The following PRORP variants were observed in gnomAD, a reference collection of about 807,000 sequenced individuals.
PRORP encodes the protein mitochondrial ribonuclease P catalytic subunit.
PRORP carries 51 observed loss-of-function variants against 59.4 expected under a neutral mutation model. The observed-to-expected ratio is 0.86, with a 90% confidence interval of 0.69 to 1.08. The LOEUF is 1.08. Ranked by LOEUF, PRORP falls within the 50% of genes least tolerant of loss-of-function variation. The pLI, the probability that PRORP is intolerant of heterozygous loss-of-function variation, is 0.00. For missense variants in PRORP, 646 were observed against 690.3 expected, an observed-to-expected ratio of 0.94 and a Z score of 0.72; for synonymous variants, 231 against 245.6, an observed-to-expected ratio of 0.94 and a Z score of 0.55.
chr14:35,137,128 T>C (rs893273487), intron 4 of PRORP, among the ~76,000 whole-genome samples: 1 of 145,546 alleles, frequency 6.9e-6, no homozygotes, highest in African/African-American at 2.4e-5. Flanking sequence ...TGAATACCCA[T>C]TGAGTGTAAA....
chr14:35,187,431 T>TC (rs999024300), intron 5 of PRORP, among the ~76,000 whole-genome samples: 1 of 150,380 alleles, frequency 6.6e-6, no homozygotes, highest in East Asian at 2.0e-4. Context: ...TTTCTTTGTT[T>TC]TTTTTTTTTT....
chr14:35,166,866 A>G (rs1027040753), intron 4 of PRORP, among the ~76,000 whole-genome samples: 2 of 152,148 alleles, frequency 1.3e-5, no homozygotes, highest in African/African-American at 4.8e-5. Flanking sequence ...AGCATATGCC[A>G]TTAGGTAGAT....
intron 4 of PRORP, among the ~76,000 whole-genome samples, chr14:35,147,137 C>G (rs993037406): frequency 1.3e-5 from 2 of 152,038 alleles, no homozygotes; most frequent in Admixed American, 6.6e-5. Flanking sequence ...ATGCTGTAGA[C>G]TATTAAGTGT....
chr14:35,231,492 T>C (rs2050080561), intron 5 of PRORP, among the ~76,000 whole-genome samples: 1 of 152,190 alleles, frequency 6.6e-6, no homozygotes, highest in Non-Finnish European at 1.5e-5. Flanking sequence ...GGCTTTGTTG[T>C]TTTAATGGAA....
At chr14:35,182,543 G>A (rs1313260926) in intron 5 of PRORP, among the ~76,000 whole-genome samples, 1 of 152,172 alleles carries the variant, frequency 6.6e-6, no homozygotes, top group East Asian at 1.9e-4. Context: ...TAGTTGGGAG[G>A]CTGAGTCAAG....
chr14:35,167,156 C>G (rs1356941596), intron 4 of PRORP, among the ~76,000 whole-genome samples: 1 of 152,172 alleles, frequency 6.6e-6, no homozygotes, highest in African/African-American at 2.4e-5. Context: ...TTCAAAGATG[C>G]TGTATTTGCC....
At chr14:35,181,830 T>C (rs963856281) in intron 5 of PRORP, among the ~76,000 whole-genome samples, 8 of 144,698 alleles carry the variant, frequency 5.5e-5, no homozygotes, top group African/African-American at 2.0e-4. Context: ...GTAAAATACA[T>C]ATATATTATT....
intron 4 of PRORP, among the ~76,000 whole-genome samples, chr14:35,157,059 C>G (rs1398825602): frequency 6.6e-6 from 1 of 151,754 alleles, no homozygotes; most frequent in Admixed American, 6.6e-5. Context: ...GGGTTCACGC[C>G]ATTCTCCTGC....
intron 5 of PRORP, among the ~76,000 whole-genome samples, chr14:35,204,704 C>T (rs552341670): frequency 2.0e-5 from 3 of 152,112 alleles, no homozygotes; most frequent in African/African-American, 7.2e-5. Context: ...TTCATTGTAC[C>T]GGTAACTCTA....
chr14:35,154,415 C>T (rs1452653655), intron 4 of PRORP, among the ~76,000 whole-genome samples: 2 of 152,098 alleles, frequency 1.3e-5, no homozygotes, highest in Non-Finnish European at 2.9e-5. Flanking sequence ...CACATGACAC[C>T]TCCTTATTAA....
intron 5 of PRORP, among the ~76,000 whole-genome samples, chr14:35,213,646 G>A: frequency 6.6e-6 from 1 of 152,020 alleles, no homozygotes; most frequent in East Asian, 1.9e-4. Context: ...GCCTAATTTT[G>A]ATATTATTAT....
intron 5 of PRORP, among the ~76,000 whole-genome samples, chr14:35,208,036 G>T (rs2049338548): frequency 1.3e-5 from 2 of 152,078 alleles, no homozygotes; most frequent in African/African-American, 4.8e-5. Context: ...TGTAGTCCCA[G>T]CTACTTGGGA....
chr14:35,165,307 TGAGGGATA>T (rs2048156635), intron 4 of PRORP, among the ~76,000 whole-genome samples: 1 of 151,914 alleles, frequency 6.6e-6, no homozygotes, highest in African/African-American at 2.4e-5. Context: ...TCTGTTGCTC[TGAGGGATA>T]GTACAAGAGA....
intron 4 of PRORP, among the ~76,000 whole-genome samples, chr14:35,177,253 C>T (rs1191887383): frequency 1.3e-5 from 2 of 152,098 alleles, no homozygotes; most frequent in Non-Finnish European, 2.9e-5. Flanking sequence ...TGATGTTGGC[C>T]TCATAAAATG....
At chr14:35,175,058 C>A (rs527377833) in intron 4 of PRORP, among the ~76,000 whole-genome samples, 3 of 152,008 alleles carry the variant, frequency 2.0e-5, no homozygotes, top group East Asian at 3.9e-4. Context: ...CATGTCCTTA[C>A]AAAGGACATG....
intron 4 of PRORP, among the ~76,000 whole-genome samples, chr14:35,133,142 G>A (rs1320484076): frequency 6.6e-6 from 1 of 152,028 alleles, no homozygotes; most frequent in African/African-American, 2.4e-5. Context: ...GGCTGGTCTC[G>A]AACTCCTGAC....
chr14:35,128,060 T>C (rs2047141821), intron 4 of PRORP, among the ~76,000 whole-genome samples: 1 of 152,232 alleles, frequency 6.6e-6, no homozygotes, highest in Non-Finnish European at 1.5e-5. Flanking sequence ...ACAACTTTTC[T>C]AGTCAAGAGA....
At chr14:35,193,634 AT>A (rs34186766) in intron 5 of PRORP, among the ~76,000 whole-genome samples, 6,634 of 129,706 alleles carry the variant, frequency 0.051, 114 homozygotes, top group South Asian at 0.072. Flanking sequence ...TCCCGGGTGT[AT>A]TTTTTTTTTT....
In PRORP at chr14:35,205,807, C is replaced by T. The variant is rs540844879; in HGVS notation, c.1275+25030C>T. Among the ~76,000 whole-genome samples the T allele has an allele frequency of 4.6e-5, 7 of 152,230 alleles. No homozygotes were observed. In the East Asian group the frequency reaches 5.8e-4, roughly 13 times the overall value. ...TTCTCACACCTCTCAGGGATGAAAA[C>T]GTGGCTAATTTCTTCTCACCCTTCA... On this transcript the variant is annotated intron_variant, in intron 5 of 7. Transcript: ENST00000534898.
Sources: gnomAD v4.1 joint callset for allele counts (sites outside exome capture counted in the v4.1 genomes callset) on GRCh38, gnomAD v4.1.1 for gene constraint, MANE v1.5 for transcripts, NCBI Gene and HGNC (gene_info 2026-07-23, HGNC 2026-07-21) for gene names.